DNAH11: variants seen among roughly 807,000 people sequenced by gnomAD.
DNAH11 encodes axonemal beta dynein heavy chain 11.
Under a neutral mutation model 526.0 loss-of-function variants are expected in DNAH11, and 442 were observed. The ratio of observed to expected loss-of-function variants is 0.84; its 90% CI spans 0.78 to 0.91. The LOEUF is 0.91. DNAH11 is among the 40% of genes least tolerant of loss of function. The pLI, the probability that DNAH11 is intolerant of heterozygous loss-of-function variation, is 0.00. For missense variants in DNAH11, 6,989 were observed against 5,448.7 expected, an observed-to-expected ratio of 1.28 and a Z score of -8.90; for synonymous variants, 2,461 against 1,935.9, an observed-to-expected ratio of 1.27 and a Z score of -7.12.
intron 1 of DNAH11, chr7:21,543,802 C>T (rs1562648988): frequency 1.7e-6 from 1 of 599,328 alleles, no homozygotes; most frequent in African/African-American, 1.9e-5. Context: ...TTTCCTAAGT[C>T]AGCAGTTTGT....
At chr7:21,667,984 A>G (rs973410386) in intron 30 of DNAH11, among the ~76,000 whole-genome samples, 24 of 152,182 alleles carry the variant, frequency 1.6e-4, no homozygotes, top group Non-Finnish European at 2.2e-4. Context: ...ATCATGGGAA[A>G]GGTAAACACC....
intron 8 of DNAH11, among the ~76,000 whole-genome samples, chr7:21,579,598 G>C (rs1345202480): frequency 6.6e-6 from 1 of 152,182 alleles, no homozygotes; most frequent in African/African-American, 2.4e-5. Flanking sequence ...CTGGATCTGA[G>C]AGTGTGAAAT....
At chr7:21,645,184 G>A (rs1227012492) in intron 28 of DNAH11, among the ~76,000 whole-genome samples, 2 of 152,124 alleles carry the variant, frequency 1.3e-5, no homozygotes, top group Non-Finnish European at 2.9e-5. Flanking sequence ...GAGTTTCTAG[G>A]CCCTTCTGTG....
intron 76 of DNAH11, among the ~76,000 whole-genome samples, chr7:21,885,606 G>A (rs1784098236): frequency 6.6e-6 from 1 of 151,876 alleles, no homozygotes. Flanking sequence ...TAGAAGAGAG[G>A]ATTTTGTATG....
chr7:21,620,124 T>C (rs749243297), intron 25 of DNAH11, 46 bp downstream of exon 25: 6 of 1,419,170 alleles, frequency 4.2e-6, no homozygotes, highest in Middle Eastern at 1.8e-4. Flanking sequence ...TTTATTTTTA[T>C]TTGACAAATA....
At chr7:21,730,210 A>C (rs1031470820) in intron 45 of DNAH11, among the ~76,000 whole-genome samples, 4 of 152,230 alleles carry the variant, frequency 2.6e-5, no homozygotes, top group African/African-American at 9.6e-5. Flanking sequence ...ACAATAGCCA[A>C]GATATGGAGT....
intron 79 of DNAH11, 98 bp from the exon 80 acceptor site, chr7:21,899,238 T>TCCA: frequency 2.2e-6 from 2 of 915,740 alleles, no homozygotes; most frequent in South Asian, 1.3e-5. Context: ...ATACTTCTCC[T>TCCA]CCACCACCAC....
chr7:21,752,391 G>A (rs1306273190), intron 54 of DNAH11, among the ~76,000 whole-genome samples: 3 of 152,198 alleles, frequency 2.0e-5, no homozygotes, highest in African/African-American at 7.2e-5. Flanking sequence ...CAGTATGGCA[G>A]AGGTGATGCT....
intron 14 of DNAH11, among the ~76,000 whole-genome samples, chr7:21,592,999 G>A (rs1486378177): frequency 1.3e-5 from 2 of 152,162 alleles, no homozygotes; most frequent in Non-Finnish European, 2.9e-5. Flanking sequence ...ATCCAGGTAA[G>A]TAACAGAGAA....
chr7:21,712,354 A>G (rs1172862183), intron 42 of DNAH11, among the ~76,000 whole-genome samples: 1 of 152,220 alleles, frequency 6.6e-6, no homozygotes, highest in Non-Finnish European at 1.5e-5. Context: ...GTATACAAAT[A>G]TCTCTTCAAG....
In DNAH11 at chr7:21,561,176, A is replaced by G; in HGVS notation, c.982+6A>G. ...TTTTCTGGCTGTGGAAAATGGTAAG[A>G]CTCTTGTTCCTCAGCCTGGCATCAA... is the stretch of plus-strand genomic sequence containing the variant. On this transcript the variant is annotated splice_donor_region_variant and intron_variant, in intron 5 of 81. Coordinates refer to ENST00000409508, the MANE Select transcript of DNAH11 (RefSeq NM_001277115.2). 1 of 1,571,360 alleles carries G rather than the reference A, an allele frequency of 6.4e-7. No homozygotes were observed. Among genetic ancestry groups the G allele is most frequent in the Non-Finnish European group, 8.7e-7 (1 of 1,153,576 alleles).
rs2128053632 is a variant in DNAH11 at position 21,901,267 on chromosome 7, A to AT, written c.*15dup. The AT allele has an allele frequency of 6.2e-7, 1 of 1,603,860 alleles. No individual in the cohort carries two copies. Among genetic ancestry groups the AT allele is most frequent in the African/African-American group, 1.3e-5 (1 of 74,832 alleles). ...TCTAGAAGCGTAAGGTAACACTGGC[A>AT]TTCCTCTAGCCTCTGCTGGAGTGCA... On this transcript the variant is annotated 3_prime_UTR_variant, in exon 82 of 82. Coordinates refer to ENST00000409508, the MANE Select transcript of DNAH11 (RefSeq NM_001277115.2).
chr7:21,771,978 A>T (rs1787455309), intron 55 of DNAH11, among the ~76,000 whole-genome samples: 1 of 152,210 alleles, frequency 6.6e-6, no homozygotes, highest in South Asian at 2.1e-4. Context: ...TGTTAATGTC[A>T]GGAAGTGCTG....
chr7:21,584,984 C>T (rs562085191), intron 9 of DNAH11, among the ~76,000 whole-genome samples: 1 of 152,080 alleles, frequency 6.6e-6, no homozygotes, highest in Non-Finnish European at 1.5e-5. Flanking sequence ...ATTACAGAGG[C>T]TCCTGCCATT....
intron 4 of DNAH11, among the ~76,000 whole-genome samples, chr7:21,560,851 T>G (rs1354392144): frequency 6.6e-6 from 1 of 152,138 alleles, no homozygotes; most frequent in Middle Eastern, 3.2e-3. Flanking sequence ...TATAATAATA[T>G]ATATCCAAAT....
intron 30 of DNAH11, among the ~76,000 whole-genome samples, chr7:21,674,759 T>C (rs2128470326): frequency 6.6e-6 from 1 of 152,100 alleles, no homozygotes; most frequent in South Asian, 2.1e-4. Context: ...CAGAAGCAGA[T>C]AGGGAATTTT....
At chr7:21,545,454 A>G (rs1374281702) in intron 2 of DNAH11, among the ~76,000 whole-genome samples, 1 of 152,142 alleles carries the variant, frequency 6.6e-6, no homozygotes, top group Non-Finnish European at 1.5e-5. Flanking sequence ...AGAAGCAAAT[A>G]AAAAGCAACT....
intron 63 of DNAH11, among the ~76,000 whole-genome samples, chr7:21,809,476 A>G (rs557990205): frequency 7.9e-5 from 12 of 152,116 alleles, no homozygotes; most frequent in Admixed American, 5.9e-4. Flanking sequence ...TTTTTCCTAT[A>G]GTTGTTTTAT....
intron 7 of DNAH11, among the ~76,000 whole-genome samples, chr7:21,571,454 A>T (rs1248422541): frequency 6.6e-6 from 1 of 151,862 alleles, no homozygotes; most frequent in Non-Finnish European, 1.5e-5. Flanking sequence ...TAACTTTTTA[A>T]TGTTTCATAG....
Sources: gnomAD v4.1 joint callset for allele counts (sites outside exome capture counted in the v4.1 genomes callset) on GRCh38, gnomAD v4.1.1 for gene constraint, MANE v1.5 for transcripts, NCBI Gene and HGNC (gene_info 2026-07-23, HGNC 2026-07-21) for gene names.